The following CLMP variants were observed in gnomAD, a reference collection of about 807,000 sequenced individuals.
CLMP encodes the protein CXADR-like membrane protein.
Under a neutral mutation model 45.2 loss-of-function variants are expected in CLMP, and 27 were observed. The ratio of observed to expected loss-of-function variants is 0.60; its 90% CI spans 0.44 to 0.82. The LOEUF is 0.82. Among genes scored for constraint, CLMP ranks in the 40% least tolerant of loss-of-function variants. The pLI is 0.00. For missense variants in CLMP, 403 were observed against 448.4 expected (o/e 0.90, Z 0.91); for synonymous variants, 167 against 171.4 (o/e 0.97, Z 0.20).
chr11:123,074,946 G>T, intron 5 of CLMP, 103 bp from the exon 6 acceptor site: 2 of 1,294,272 alleles, frequency 1.5e-6, no homozygotes, highest in Non-Finnish European at 2.1e-6. Context: ...GTATTTGCAG[G>T]TTTGTTTGTT....
chr11:123,157,722 CAAAAAAAAAA>C (rs869197042), intron 1 of CLMP, among the ~76,000 whole-genome samples: 1 of 71,190 alleles, frequency 1.4e-5, no homozygotes, highest in Non-Finnish European at 2.6e-5. Context: ...GAGTGAAACT[CAAAAAAAAAA>C]AAAAAAAAAA....
chr11:123,097,913 A>C lies in CLMP; in HGVS notation c.68T>G (p.Ile23Ser). Residue 23 changes from isoleucine to serine, a missense_variant, in exon 2 of 7, where the codon ATC becomes AGC. Ile to Ser is a moderately radical substitution (Grantham distance 142). Transcript: ENST00000448775. ...YVGTLGTHTE[I>S]KRVAEEKVTL... ...GACCTTTTCCTCTGCCACTCTCTTGATCTCAGTGTGAGTCCCCAAGGTTCC... is the reference window on the plus strand; with the variant it reads ...GACCTTTTCCTCTGCCACTCTCTTGCTCTCAGTGTGAGTCCCCAAGGTTCC... The C allele has an allele frequency of 6.2e-7, 1 of 1,601,406 alleles. No homozygotes were observed. The highest frequency in any genetic ancestry group is 1.1e-5 in the South Asian group (1 of 88,794).
In CLMP at chr11:123,070,833, C is replaced by G. The variant is rs1047885980; in HGVS notation, c.*2641G>C. The stretch of plus-strand genomic sequence containing the variant: ...TCCAAATACGCCAGTTCTCTTAAAC[C>G]CATAGCAGACATTTATATGTTAATT... On this transcript the variant is annotated 3_prime_UTR_variant, in exon 7 of 7. Coordinates refer to ENST00000448775, the MANE Select transcript of CLMP (RefSeq NM_024769.5). 1 of 152,116 alleles carries G rather than the reference C, an allele frequency of 6.6e-6. No individual in the cohort carries two copies. The highest frequency in any genetic ancestry group is 6.5e-5 in the Admixed American group (1 of 15,268). The allele number at this position is 152,116 out of a possible 1,614,324, so 9.4% of individuals were successfully genotyped here.
intron 1 of CLMP, among the ~76,000 whole-genome samples, chr11:123,158,169 A>G (rs1861440621): frequency 6.6e-6 from 1 of 152,088 alleles, no homozygotes; most frequent in African/African-American, 2.4e-5. Context: ...GGGCTCTAAT[A>G]TTGGCCACTG....
At chr11:123,175,455 C>A (rs1861686399) in intron 1 of CLMP, among the ~76,000 whole-genome samples, 1 of 150,764 alleles carries the variant, frequency 6.6e-6, no homozygotes, top group Non-Finnish European at 1.5e-5. Flanking sequence ...ACGGGTCCCT[C>A]CCTTGACAGG....
intron 5 of CLMP, among the ~76,000 whole-genome samples, chr11:123,079,504 A>G (rs556053365): frequency 6.6e-6 from 1 of 152,188 alleles, no homozygotes; most frequent in East Asian, 1.9e-4. Context: ...CCCAGGCTGG[A>G]GTGCAGTGGC....
chr11:123,092,759 G>A (rs1001439447), intron 2 of CLMP, among the ~76,000 whole-genome samples: 20 of 151,482 alleles, frequency 1.3e-4, no homozygotes, highest in African/African-American at 4.6e-4. Context: ...CACCATGCCC[G>A]GCTAATTTTT....
chr11:123,119,563 G>A (rs567646127), intron 1 of CLMP, among the ~76,000 whole-genome samples: 115 of 152,254 alleles, frequency 7.6e-4, no homozygotes, highest in Admixed American at 1.6e-3. Flanking sequence ...TTCGAATAAC[G>A]TAATGTAAGC....
At chr11:123,162,438 T>A (rs1179520395) in intron 1 of CLMP, among the ~76,000 whole-genome samples, 2 of 152,166 alleles carry the variant, frequency 1.3e-5, no homozygotes, top group Non-Finnish European at 2.9e-5. Flanking sequence ...AATGCATGTA[T>A]AATGCAAATA....
At chr11:123,089,251 G>T (rs1027215696) in intron 2 of CLMP, among the ~76,000 whole-genome samples, 1 of 151,960 alleles carries the variant, frequency 6.6e-6, no homozygotes, top group African/African-American at 2.4e-5. Flanking sequence ...CGGGCATGGT[G>T]GCGCATGCCT....
intron 1 of CLMP, among the ~76,000 whole-genome samples, chr11:123,134,930 C>T (rs1041285266): frequency 1.3e-5 from 2 of 152,068 alleles, no homozygotes; most frequent in Non-Finnish European, 2.9e-5. Flanking sequence ...AACAAATTAA[C>T]TGGTTTTGAA....
In CLMP at chr11:123,074,613, A is replaced by G. The variant is rs1233921905; in HGVS notation, c.821+89T>C. ...TCCTTTTAACAGATTCATGGTTAAG[A>G]GAAAACTGGGAACATTTATGTTGGC... On this transcript the variant is annotated intron_variant, in intron 6 of 6. Transcript: ENST00000448775. The G allele has an allele frequency of 1.9e-5, 25 of 1,332,262 alleles. 1 individual carries two copies. The highest frequency in any genetic ancestry group is 1.6e-4 in the East Asian group (7 of 43,254). The allele number at this position is 1,332,262 out of a possible 1,614,324, so 82.5% of individuals were successfully genotyped here.
chr11:123,194,833 T>C, intron 1 of CLMP, 80 bp downstream of exon 1: 1 of 1,563,838 alleles, frequency 6.4e-7, no homozygotes, highest in Non-Finnish European at 8.8e-7. Flanking sequence ...GGACACCCGG[T>C]CAGAACCGGC....
At chr11:123,193,066 C>T (rs571564046) in intron 1 of CLMP, 3 of 152,148 alleles carry the variant, frequency 2.0e-5, no homozygotes, top group Non-Finnish European at 4.4e-5. Flanking sequence ...ATGGTGAGAT[C>T]GAAGAGCCAG....
Position 123,083,733 on chromosome 11 carries a change from C to A in CLMP, c.503G>T (p.Arg168Leu). 6.2e-7 allele frequency: 1 copy of A among 1,614,052 alleles called. No homozygotes were observed. The highest frequency in any genetic ancestry group is 8.5e-7 in the Non-Finnish European group (1 of 1,180,020). Residue 168 changes from arginine to leucine, a missense_variant, in exon 4 of 7, where the codon CGA (arginine) becomes CTA (leucine). Coordinates refer to ENST00000448775, the MANE Select transcript of CLMP (RefSeq NM_024769.5). The part of the protein sequence containing the change: ...GTEPIVYYWQ[R>L]IREKEGEDER... The stretch of plus-strand genomic sequence containing the variant: ...ATCCTCTCCCTCTTTCTCTCGGATT[C>A]GCTGCCAGTAATACACAATGGGCTC...
chr11:123,097,747 T>A (rs1339093633), intron 2 of CLMP, 48 bp downstream of exon 2: 1 of 1,435,984 alleles, frequency 7.0e-7, no homozygotes, highest in African/African-American at 1.4e-5. Flanking sequence ...GAAAGGCAAA[T>A]GCAGGAGGAC....
chr11:123,179,615 G>A (rs1282707416), intron 1 of CLMP, among the ~76,000 whole-genome samples: 1 of 152,244 alleles, frequency 6.6e-6, no homozygotes, highest in African/African-American at 2.4e-5. Context: ...AACAAGAACT[G>A]TTGTGCCCTG....
intron 1 of CLMP, among the ~76,000 whole-genome samples, chr11:123,165,849 A>G (rs967279331): frequency 1.3e-5 from 2 of 152,168 alleles, no homozygotes; most frequent in African/African-American, 4.8e-5. Flanking sequence ...CCAGGAAGAT[A>G]CCACGGGAAG....
intron 2 of CLMP, among the ~76,000 whole-genome samples, chr11:123,095,282 GA>G (rs1401204190): frequency 1.3e-4 from 19 of 146,852 alleles, no homozygotes; most frequent in African/African-American, 5.0e-4. Context: ...TTGCTAATGA[GA>G]AAATTATCCA....
Sources: allele counts gnomAD v4.1 joint callset (sites outside exome capture counted in the v4.1 genomes callset), GRCh38; gene constraint gnomAD v4.1.1; transcripts MANE v1.5; gene names NCBI Gene and HGNC (gene_info 2026-07-23, HGNC 2026-07-21).